ZNF286A: variants seen among roughly 807,000 people sequenced by gnomAD.
ZNF286A encodes the protein zinc finger protein ZNF286.
A neutral mutation model predicts 49.3 loss-of-function variants in ZNF286A; 34 were observed. That is an observed-to-expected ratio of 0.69 (90% confidence interval 0.52 to 0.92). The LOEUF (loss-of-function observed/expected upper bound fraction) is 0.92, where lower values mean the gene tolerates loss of function less well. ZNF286A is among the 40% of genes least tolerant of loss of function. ZNF286A has a pLI of 0.00. For synonymous variants in ZNF286A, 155 were observed against 200.4 expected, an observed-to-expected ratio of 0.77 and a Z score of 1.91; for missense variants, 462 against 600.2, an observed-to-expected ratio of 0.77 and a Z score of 2.41.
chr17:15,714,256 T>A (rs1206795824), intron 5 of ZNF286A, among the ~76,000 whole-genome samples: 1 of 151,836 alleles, frequency 6.6e-6, no homozygotes, highest in African/African-American at 2.4e-5. Context: ...AGTATCATTG[T>A]GTTGATTTGT....
chr17:15,711,739 AT>A (rs1369644789), intron 5 of ZNF286A, among the ~76,000 whole-genome samples: 1 of 152,118 alleles, frequency 6.6e-6, no homozygotes, highest in Non-Finnish European at 1.5e-5. Flanking sequence ...GTAAAAAATT[AT>A]TTAGCAAAGT....
chr17:15,704,636 C>G (rs369551897), intron 3 of ZNF286A: 12 of 1,613,982 alleles, frequency 7.4e-6, no homozygotes, highest in Admixed American at 5.0e-5. Context: ...CCATTGGCGC[C>G]CACGTTCGGG....
chr17:15,702,399 C>T (rs1989848849), intron 3 of ZNF286A, among the ~76,000 whole-genome samples: 1 of 151,614 alleles, frequency 6.6e-6, no homozygotes, highest in Non-Finnish European at 1.5e-5. Context: ...CTTGTAATCC[C>T]AGCTACTCCG....
At chr17:15,714,074 G>A (rs924140355) in intron 5 of ZNF286A, among the ~76,000 whole-genome samples, 1 of 151,900 alleles carries the variant, frequency 6.6e-6, no homozygotes. Context: ...ATTGCTTTAC[G>A]AATATTTCCT....
intron 5 of ZNF286A, among the ~76,000 whole-genome samples, chr17:15,710,778 CT>C (rs1178399679): frequency 1.3e-5 from 2 of 152,136 alleles, no homozygotes; most frequent in African/African-American, 4.8e-5. Flanking sequence ...ACCCATCTCC[CT>C]TTTTTGGGGT....
At chr17:15,704,068 T>TA (rs138745890) in intron 3 of ZNF286A, among the ~76,000 whole-genome samples, 55,333 of 140,154 alleles carry the variant, frequency 0.39, 10,831 homozygotes, top group Middle Eastern at 0.45. Context: ...TTATTATTAT[T>TA]TTTTTTTTTT....
In ZNF286A at chr17:15,717,347, A is replaced by C; in HGVS notation, c.*57A>C. 1 of 1,358,558 alleles carries C rather than the reference A, an allele frequency of 7.4e-7. No homozygotes were observed. Among genetic ancestry groups the C allele is most frequent in the Non-Finnish European group, 1.0e-6 (1 of 1,001,686 alleles). 84.2% of individuals were successfully genotyped at this position (1,358,558 alleles called of 1,614,324 possible). ...GTTTTATCACTGTATTAAATACTTGAGTGTTTAGGTGGAAGGCGCATCCAT... is the reference window on the plus strand; with the variant it reads ...GTTTTATCACTGTATTAAATACTTGCGTGTTTAGGTGGAAGGCGCATCCAT... On this transcript the variant is annotated 3_prime_UTR_variant, in exon 6 of 6. Coordinates refer to ENST00000583566, the MANE Select transcript of ZNF286A (RefSeq NM_001130842.2).
In ZNF286A at chr17:15,708,150, A is replaced by AATAGGGCT; in HGVS notation, c.242-4_245dup. ...TTCTGTCTTTTTCTTTTTTTAAATG[A>AATAGGGCT]ATAGGGCTTCCAGTTTCCAAACCTG... On this transcript the variant is annotated splice_polypyrimidine_tract_variant and splice_region_variant and intron_variant, in intron 4 of 5. Coordinates refer to ENST00000583566, the MANE Select transcript of ZNF286A (RefSeq NM_001130842.2). 1 of 1,558,922 alleles carries AATAGGGCT rather than the reference A, an allele frequency of 6.4e-7. No individual in the cohort carries two copies. Among genetic ancestry groups the AATAGGGCT allele is most frequent in the East Asian group, 2.3e-5 (1 of 42,900 alleles).
chr17:15,713,075 T>G (rs1966870356), intron 5 of ZNF286A, among the ~76,000 whole-genome samples: 1 of 152,154 alleles, frequency 6.6e-6, no homozygotes, highest in Non-Finnish European at 1.5e-5. Flanking sequence ...ACAGAAAAAT[T>G]TTAAGCTATT....
intron 3 of ZNF286A, chr17:15,704,951 C>CGGTCCG: frequency 1.4e-6 from 2 of 1,473,094 alleles, no homozygotes; most frequent in Non-Finnish European, 1.8e-6. Context: ...CTGCGTTCTT[C>CGGTCCG]GGTCCGCCGG....
chr17:15,701,213 T>A lies in ZNF286A; in HGVS notation c.99T>A (p.Ala33=). Residue 33 remains alanine (A), a synonymous_variant, in exon 3 of 6, where the codon GCT becomes GCA. Transcript: ENST00000583566. ...QEKSTEEGEV[A]ALRLTARSQE... Reference sequence around the variant, plus strand: ...AGAGCACAGAAGAGGGAGAAGTGGCTGCTCTGCGCCTCACGGCCAGATCCC... The same window carrying A: ...AGAGCACAGAAGAGGGAGAAGTGGCAGCTCTGCGCCTCACGGCCAGATCCC... The A allele has an allele frequency of 6.2e-7, 1 of 1,614,156 alleles. No individual in the cohort carries two copies. The highest frequency in any genetic ancestry group is 8.5e-7 in the Non-Finnish European group (1 of 1,180,036).
chr17:15,706,895 T>TA (rs1245661584), intron 4 of ZNF286A, among the ~76,000 whole-genome samples: 1 of 152,204 alleles, frequency 6.6e-6, no homozygotes, highest in African/African-American at 2.4e-5. Context: ...GTCCCAGGGT[T>TA]ACGTTATTCT....
In ZNF286A at chr17:15,720,755, C is replaced by T. The variant is rs1740477728; in HGVS notation, c.*3465C>T. The T allele has an allele frequency of 6.6e-6, 1 of 151,958 alleles. No homozygotes were observed. Among genetic ancestry groups the T allele is most frequent in the Non-Finnish European group, 1.5e-5 (1 of 68,014 alleles). The allele number at this position is 151,958 out of a possible 1,614,324, so 9.4% of individuals were successfully genotyped here. A position where few individuals can be genotyped will look rare whatever the true frequency, so the allele number is the denominator to read the frequency against. Reference sequence around the variant, plus strand: ...AATGTGCCCTTATTGGCTCACTTGTCAATAAAGATGTTTGTATATGTATTG... The same window carrying T: ...AATGTGCCCTTATTGGCTCACTTGTTAATAAAGATGTTTGTATATGTATTG... On this transcript the variant is annotated 3_prime_UTR_variant, in exon 6 of 6. Coordinates refer to ENST00000583566, the MANE Select transcript of ZNF286A (RefSeq NM_001130842.2).
rs1195215778 is a variant in ZNF286A, at chr17:15,711,860, G to GCCC, written c.334+3621_334+3623dup. On this transcript the variant is annotated intron_variant, in intron 5 of 5. Transcript: ENST00000583566. ...CTAAATTTGCATTTATCTGTAATCT[G>GCCC]CCCCCCCCCCGGCTTTTTTTTTTTT... 6.8e-4 allele frequency among the ~76,000 whole-genome samples: 70 copies of GCCC among 103,356 alleles called. 1 individual carries two copies. The highest frequency in any genetic ancestry group is 1.8e-3 in the African/African-American group (46 of 25,900). 67.8% of individuals were successfully genotyped at this position (103,356 alleles called of 152,430 possible).
intron 5 of ZNF286A, among the ~76,000 whole-genome samples, chr17:15,709,445 T>C (rs1004627285): frequency 6.6e-6 from 1 of 151,842 alleles, no homozygotes; most frequent in African/African-American, 2.4e-5. Context: ...TGAGCCGAGA[T>C]CATGCCATTG....
At chr17:15,704,124 C>T (rs1990007994) in intron 3 of ZNF286A, 2 of 802,456 alleles carry the variant, frequency 2.5e-6, no homozygotes, top group Non-Finnish European at 3.8e-6. Context: ...GTCCCAGTGC[C>T]CCCTGTACCC....
At chr17:15,705,820 T>C (rs1297291715) in intron 3 of ZNF286A, among the ~76,000 whole-genome samples, 4 of 152,234 alleles carry the variant, frequency 2.6e-5, no homozygotes, top group Non-Finnish European at 5.9e-5. Context: ...ATTTTATACC[T>C]AAATATTTAT....
At position 15,717,103 on chromosome 17, in the gene ZNF286A, A is replaced by G; in HGVS notation, c.1379A>G (p.His460Arg). The G allele has an allele frequency of 6.2e-7, 1 of 1,614,116 alleles. No homozygotes were observed. Among genetic ancestry groups the G allele is most frequent in the Non-Finnish European group, 8.5e-7 (1 of 1,180,028 alleles). Residue 460 changes from histidine to arginine, a missense_variant, in exon 6 of 6, where the codon CAT becomes CGT. His to Arg is a conservative substitution (Grantham distance 29). Coordinates refer to ENST00000583566, the MANE Select transcript of ZNF286A (RefSeq NM_001130842.2). ...SSNFAKHQRI[H>R]IGKKPYKCSE... ...AATTTTGCTAAACATCAAAGAATTC[A>G]TATTGGAAAGAAACCGTACAAATGT...
At position 15,704,441 on chromosome 17, in the gene ZNF286A, T is replaced by G. The variant is rs183587855; in HGVS notation, c.127-1946T>G. Reference sequence around the variant, plus strand: ...CTGGGCCCGCCGGCGCCCCCGTGGATCTCTGTGAGCAGACGGGCCCGAGCC... The same window carrying G: ...CTGGGCCCGCCGGCGCCCCCGTGGAGCTCTGTGAGCAGACGGGCCCGAGCC... On this transcript the variant is annotated intron_variant, in intron 3 of 5. Transcript: ENST00000583566. 3,314 of 1,610,696 alleles carry G rather than the reference T, an allele frequency of 2.1e-3. 13 individuals are homozygous for G. The highest frequency in any genetic ancestry group is 1.8e-3 in the Non-Finnish European group (2,110 of 1,178,866).
Sources: gnomAD v4.1 joint callset for allele counts (sites outside exome capture counted in the v4.1 genomes callset) on GRCh38, gnomAD v4.1.1 for gene constraint, MANE v1.5 for transcripts, NCBI Gene and HGNC (gene_info 2026-07-23, HGNC 2026-07-21) for gene names.